PDE4B: variants seen among roughly 807,000 people sequenced by gnomAD.
The protein encoded by PDE4B is 3',5'-cyclic-AMP phosphodiesterase 4B.
PDE4B carries 20 observed loss-of-function variants against 82.2 expected under a neutral mutation model. The ratio of observed to expected loss-of-function variants is 0.24; its 90% CI spans 0.17 to 0.35. PDE4B has a LOEUF of 0.35. Among genes scored for constraint, PDE4B ranks in the 10% least tolerant of loss-of-function variants. The pLI is 1.00. For synonymous variants in PDE4B, 320 were observed against 318.9 expected (o/e 1.00, Z -0.04); for missense variants, 655 against 907.2 (o/e 0.72, Z 3.57).
At chr1:66,187,228 A>G (rs148539326) in intron 3 of PDE4B, among the ~76,000 whole-genome samples, 115,085 of 151,300 alleles carry the variant, frequency 0.76, 44,170 homozygotes, top group Admixed American at 0.82. Flanking sequence ...TGCTGGATTC[A>G]GTTTGCCAGT....
intron 3 of PDE4B, chr1:66,152,405 GC>G: frequency 4.8e-6 from 1 of 206,990 alleles, no homozygotes; most frequent in Non-Finnish European, 1.1e-5. Flanking sequence ...ATGAAGATGA[GC>G]AGGCAGGGTG....
intron 7 of PDE4B, among the ~76,000 whole-genome samples, chr1:66,301,973 A>C (rs1657928260): frequency 6.6e-6 from 1 of 152,190 alleles, no homozygotes; most frequent in Non-Finnish European, 1.5e-5. Context: ...GACTTTGTTT[A>C]GGAGGTGGCC....
At chr1:66,307,518 G>A (rs1658366327) in intron 7 of PDE4B, among the ~76,000 whole-genome samples, 1 of 152,160 alleles carries the variant, frequency 6.6e-6, no homozygotes, top group South Asian at 2.1e-4. Flanking sequence ...CAGTGAGGTA[G>A]AAAGTTGTGT....
intron 7 of PDE4B, among the ~76,000 whole-genome samples, chr1:66,331,381 C>T (rs1660096408): frequency 6.6e-6 from 1 of 152,164 alleles, no homozygotes; most frequent in African/African-American, 2.4e-5. Context: ...TTTTACAACT[C>T]TCTGTAGCTT....
chr1:66,288,132 G>T (rs1423644672), intron 7 of PDE4B, among the ~76,000 whole-genome samples: 2 of 151,958 alleles, frequency 1.3e-5, no homozygotes, highest in East Asian at 3.9e-4. Context: ...TGGCTTCTGG[G>T]GATACCTGAG....
At chr1:66,069,094 C>A (rs1273588540) in intron 3 of PDE4B, among the ~76,000 whole-genome samples, 1 of 151,972 alleles carries the variant, frequency 6.6e-6, no homozygotes. Context: ...TCCAGATAAG[C>A]CTGTTTCTGT....
rs531660442 is a variant in PDE4B, at chr1:66,292,340, T to TA, written c.634+26259dup. The stretch of plus-strand genomic sequence containing the variant: ...ATTATCATTAGCCCCATTTTGAAGA[T>TA]AAAAAACAATGAGATGGAGAGAGTC... On this transcript the variant is annotated intron_variant, in intron 7 of 16. Transcript: ENST00000341517. Among the ~76,000 whole-genome samples, 24 of 152,238 alleles carry TA rather than the reference T, an allele frequency of 1.6e-4. No individual in the cohort carries two copies. The East Asian group carries it at 4.6e-3, about 29-fold the overall frequency.
At chr1:66,073,946 G>C (rs1656291974) in intron 3 of PDE4B, among the ~76,000 whole-genome samples, 1 of 152,148 alleles carries the variant, frequency 6.6e-6, no homozygotes, top group African/African-American at 2.4e-5. Context: ...GGGTATATGA[G>C]AGCTAAATTT....
chr1:66,150,081 T>C (rs1160697716), intron 3 of PDE4B, among the ~76,000 whole-genome samples: 1 of 152,188 alleles, frequency 6.6e-6, no homozygotes, highest in Non-Finnish European at 1.5e-5. Flanking sequence ...AGTTTATATC[T>C]GGACTCTCAA....
chr1:66,022,535 G>A (rs1165763496), intron 3 of PDE4B, among the ~76,000 whole-genome samples: 1 of 152,042 alleles, frequency 6.6e-6, no homozygotes, highest in Admixed American at 6.6e-5. Flanking sequence ...GAATTTTGTT[G>A]AAGGCCCTTT....
At chr1:66,195,699 A>G (rs1191997960) in intron 3 of PDE4B, among the ~76,000 whole-genome samples, 2 of 152,110 alleles carry the variant, frequency 1.3e-5, no homozygotes, top group Non-Finnish European at 2.9e-5. Context: ...GTTTCCTGGC[A>G]CTGTTGGGTT....
chr1:66,096,557 C>G (rs1378697302), intron 3 of PDE4B, among the ~76,000 whole-genome samples: 1 of 117,004 alleles, frequency 8.5e-6, no homozygotes, highest in Non-Finnish European at 1.8e-5. Flanking sequence ...ATTTCAAAGG[C>G]TTAGTATAAA....
intron 3 of PDE4B, among the ~76,000 whole-genome samples, chr1:65,986,344 G>T (rs977222702): frequency 6.6e-6 from 1 of 152,194 alleles, no homozygotes; most frequent in Non-Finnish European, 1.5e-5. Flanking sequence ...ACAGATGGAT[G>T]AAACAGCTGA....
chr1:66,057,229 G>T (rs980820814), intron 3 of PDE4B, among the ~76,000 whole-genome samples: 1 of 152,050 alleles, frequency 6.6e-6, no homozygotes, highest in Admixed American at 6.6e-5. Flanking sequence ...GCTAAGTGCT[G>T]GATATACTGT....
rs754691424 is a variant in PDE4B at position 66,372,520 on chromosome 1, G to C, written c.2053G>C (p.Asp685His). 20 of 1,614,132 alleles carry C rather than the reference G, an allele frequency of 1.2e-5. 1 individual carries two copies. The South Asian group carries it at 2.2e-4, about 18-fold the overall frequency. Reference sequence around the variant, plus strand: ...GAAGTTTCAGTTTGAACTGACTCTCGATGAGGAAGATTCTGAAGGACCTGA... The same window carrying C: ...GAAGTTTCAGTTTGAACTGACTCTCCATGAGGAAGATTCTGAAGGACCTGA... ...MEKFQFELTL[D>H]EEDSEGPEKE... Residue 685 changes from aspartate to histidine, a missense_variant, in exon 17 of 17, where the codon GAT (aspartate) becomes CAT (histidine). Coordinates refer to ENST00000341517, the MANE Select transcript of PDE4B (RefSeq NM_002600.4).
chr1:65,865,791 T>A (rs1281120846), intron 1 of PDE4B, among the ~76,000 whole-genome samples: 1 of 152,168 alleles, frequency 6.6e-6, no homozygotes, highest in Admixed American at 6.5e-5. Flanking sequence ...TTTGTTGGTC[T>A]CCCTGGGAGC....
At chr1:66,037,107 C>T (rs1406558303) in intron 3 of PDE4B, among the ~76,000 whole-genome samples, 1 of 128,872 alleles carries the variant, frequency 7.8e-6, no homozygotes, top group East Asian at 2.2e-4. Context: ...CACTGGGTGA[C>T]AGAGTGAGAC....
At chr1:66,178,395 C>T (rs1646979850) in intron 3 of PDE4B, among the ~76,000 whole-genome samples, 1 of 151,996 alleles carries the variant, frequency 6.6e-6, no homozygotes. Flanking sequence ...AATGAAAACT[C>T]GGTTCCGTGT....
At chr1:66,008,535 C>A (rs1324594858) in intron 3 of PDE4B, among the ~76,000 whole-genome samples, 2 of 152,106 alleles carry the variant, frequency 1.3e-5, no homozygotes, top group African/African-American at 4.8e-5. Flanking sequence ...TAAATGGTAT[C>A]CATTTATAAA....
Sources: gnomAD v4.1 joint callset for allele counts (sites outside exome capture counted in the v4.1 genomes callset) on GRCh38, gnomAD v4.1.1 for gene constraint, MANE v1.5 for transcripts, NCBI Gene and HGNC (gene_info 2026-07-23, HGNC 2026-07-21) for gene names.